Variants in MCM3AP observed in about 807,000 individuals in gnomAD.
MCM3AP encodes minichromosome maintenance complex component 3 associated protein, also known as germinal-center associated nuclear protein.
MCM3AP carries 126 observed loss-of-function variants against 184.1 expected under a neutral mutation model. That is an observed-to-expected ratio of 0.68 (90% CI 0.59 to 0.79). The LOEUF is 0.79. Ranked by LOEUF, MCM3AP falls within the 30% of genes least tolerant of loss-of-function variation. The pLI, the probability that MCM3AP is intolerant of heterozygous loss-of-function variation, is 0.00. For synonymous variants in MCM3AP, 1,002 were observed against 979.3 expected (o/e 1.02, Z -0.43); for missense variants, 2,496 against 2,479.2 (o/e 1.01, Z -0.14).
chr21:46,273,978 T>G (rs1226701356), intron 6 of MCM3AP, among the ~76,000 whole-genome samples: 4 of 152,230 alleles, frequency 2.6e-5, no homozygotes, highest in African/African-American at 9.6e-5. Flanking sequence ...CGGTGAGGAC[T>G]GCTGAGGACA....
Position 46,272,826 on chromosome 21 carries a change from T to C in MCM3AP, c.2200A>G (p.Ile734Val), listed in dbSNP as rs779269396. ...WNRTRGIRKD[I>V]TQQHLCDPLT... ...GGGTCACAGAGGTGCTGCTGCGTGA[T>C]ATCCTGGCCACAGGCGAGGGGGAGG... Residue 734 changes from isoleucine (I) to valine (V), a missense_variant, in exon 8 of 28, where the codon ATC (isoleucine) becomes GTC (valine). Ile to Val is a conservative substitution (Grantham distance 29). Coordinates refer to ENST00000291688, the MANE Select transcript of MCM3AP (RefSeq NM_003906.5). 6 of 1,582,026 alleles carry C rather than the reference T, an allele frequency of 3.8e-6. No homozygotes were observed. Among genetic ancestry groups the C allele is most frequent in the East Asian group, 4.5e-5 (2 of 44,506 alleles).
At chr21:46,270,352 A>C in intron 9 of MCM3AP, 49 bp downstream of exon 9, 1 of 1,558,520 alleles carries the variant, frequency 6.4e-7, no homozygotes, top group South Asian at 1.2e-5. Flanking sequence ...AAACAGCACA[A>C]GAACCACCTG....
At chr21:46,264,796 C>CT (rs1227622532) in intron 12 of MCM3AP, among the ~76,000 whole-genome samples, 2 of 304 alleles carry the variant, frequency 6.6e-3, no homozygotes, top group African/African-American at 0.02. Flanking sequence ...GGCACAGCCA[C>CT]CCCAGCCATG....
At chr21:46,276,646 G>C (rs776822888) in intron 5 of MCM3AP, among the ~76,000 whole-genome samples, 4 of 151,860 alleles carry the variant, frequency 2.6e-5, no homozygotes, top group Non-Finnish European at 5.9e-5. Context: ...TTTCCATGTT[G>C]GTCAGGCTGG....
At chr21:46,271,815 C>A (rs7409792) in intron 8 of MCM3AP, among the ~76,000 whole-genome samples, 62,519 of 151,584 alleles carry the variant, frequency 0.41, 13,348 homozygotes, top group Admixed American at 0.48. Context: ...GAGCCAAGAT[C>A]GCACTACTGT....
chr21:46,264,151 A>G lies in MCM3AP; in HGVS notation c.3301T>C (p.Ser1101Pro). 1.2e-6 allele frequency: 2 copies of G among 1,613,996 alleles called. No homozygotes were observed. Among genetic ancestry groups the G allele is most frequent in the Non-Finnish European group, 1.7e-6 (2 of 1,179,954 alleles). The change falls in exon 13 of 28, where the codon TCT becomes CCT. Residue 1101 changes from serine to proline, a missense_variant. Ser to Pro is a moderately conservative substitution (Grantham distance 74, BLOSUM62 -1). Around this residue, in one of 5 missense-constraint regions of MCM3AP, gnomAD observed 1,323 missense variants for 1,273.4 expected, o/e 1.04. Transcript: ENST00000291688. ...GCAGCTGCGTAGGCAGCACCCGCAG[A>G]GCCAACTTCCTCACAGTCCCTCTGC... The part of the protein sequence containing the change: ...ALQRDCEEVG[S>P]AGAAYAAAAL...
At chr21:46,247,608 C>T (rs903303974) in intron 20 of MCM3AP, 1 of 152,040 alleles carries the variant, frequency 6.6e-6, no homozygotes, top group Non-Finnish European at 1.5e-5. Flanking sequence ...CAGCCTGCCT[C>T]GGCCTCCCAA....
rs548388093 is a variant in MCM3AP, at chr21:46,243,009, A to G, written c.5297-78T>C. 5 of 1,291,848 alleles carry G rather than the reference A, an allele frequency of 3.9e-6. No homozygotes were observed. The East Asian group carries it at 7.1e-5, about 18-fold the overall frequency. 80.0% of individuals were successfully genotyped at this position (1,291,848 alleles called of 1,614,324 possible). A position where few individuals can be genotyped will look rare whatever the true frequency, so the allele number is the denominator to read the frequency against. ...TCAAAAAAAAAAAAAACACACACAA[A>G]AAAACAAAAACAGGTACAAATAATA... On this transcript the variant is annotated intron_variant, in intron 24 of 27. Transcript: ENST00000291688.
At chr21:46,243,377 G>A (rs891496540) in intron 24 of MCM3AP, 88 bp downstream of exon 24, 163 of 1,442,176 alleles carry the variant, frequency 1.1e-4, no homozygotes, top group Non-Finnish European at 1.4e-4. Context: ...AAGAAAAGCA[G>A]CAACATCAAC....
At chr21:46,251,458 T>G in intron 20 of MCM3AP, 71 bp downstream of exon 20, 1 of 1,333,586 alleles carries the variant, frequency 7.5e-7, no homozygotes, top group South Asian at 1.3e-5. Flanking sequence ...ATTTGCATGG[T>G]TCCAGTGATA....
chr21:46,256,323 T>C (rs898623666), intron 17 of MCM3AP, among the ~76,000 whole-genome samples: 3 of 151,120 alleles, frequency 2.0e-5, no homozygotes, highest in Admixed American at 1.3e-4. Context: ...AAGAGGGAAA[T>C]AATGGAGGGT....
At position 46,244,907 on chromosome 21, in the gene MCM3AP, C is replaced by G. The variant is rs1224760156; in HGVS notation, c.4938G>C (p.Leu1646=). 2 of 1,614,216 alleles carry G rather than the reference C, an allele frequency of 1.2e-6. No homozygotes were observed. Among genetic ancestry groups the G allele is most frequent in the Non-Finnish European group, 1.7e-6 (2 of 1,180,048 alleles). ...TEFAEAGGSR[L]LPHLHWNAPE... ...GGGCATTCCAGTGCAGGTGAGGAAG[C>G]AGCCGGCTGCCCCCTGCCTCAGCAA... The change falls in exon 23 of 28, where the codon CTG becomes CTC. Residue 1646 remains leucine (L), a synonymous_variant. Transcript: ENST00000291688.
At chr21:46,275,070 T>C in intron 6 of MCM3AP, 116 bp downstream of exon 6, 1 of 1,189,334 alleles carries the variant, frequency 8.4e-7, no homozygotes. Context: ...ATATGATTGT[T>C]AATAGCACAA....
intron 13 of MCM3AP, among the ~76,000 whole-genome samples, chr21:46,262,987 A>G (rs942805612): frequency 6.7e-6 from 1 of 149,426 alleles, no homozygotes; most frequent in African/African-American, 2.5e-5. Flanking sequence ...AAAAAAAAAA[A>G]AGAAATGGAA....
At chr21:46,244,266 T>C (rs1405114787) in intron 23 of MCM3AP, among the ~76,000 whole-genome samples, 1 of 152,248 alleles carries the variant, frequency 6.6e-6, no homozygotes, top group African/African-American at 2.4e-5. Flanking sequence ...CCCCATGCCA[T>C]ACTGGGCTTG....
chr21:46,242,999 ACAC>A, intron 24 of MCM3AP, 68 bp from the exon 25 acceptor site: 2 of 1,206,458 alleles, frequency 1.7e-6, no homozygotes, highest in Non-Finnish European at 2.3e-6. Flanking sequence ...AAAAAAAAAA[ACAC>A]ACACAAAAAA....
chr21:46,245,307 C>T (rs745311389), intron 22 of MCM3AP, 110 bp from the exon 23 acceptor site: 52 of 960,928 alleles, frequency 5.4e-5, no homozygotes, highest in Non-Finnish European at 7.1e-5. Context: ...TACCAGAGTA[C>T]TGGGCTCTCA....
intron 19 of MCM3AP, chr21:46,253,720 G>C (rs538955222): frequency 3.9e-5 from 6 of 152,442 alleles, no homozygotes; most frequent in African/African-American, 1.4e-4. Flanking sequence ...CTCTCAACAA[G>C]ATCTGGTTAA....
intron 20 of MCM3AP, chr21:46,251,262 C>T (rs1037074323): frequency 3.6e-6 from 1 of 279,984 alleles, no homozygotes; most frequent in Admixed American, 5.0e-5. Context: ...GTTTTGTGTA[C>T]ATATTACATT....
Sources: allele counts gnomAD v4.1 joint callset (sites outside exome capture counted in the v4.1 genomes callset), GRCh38; gene constraint gnomAD v4.1.1; regional missense constraint gnomAD v4.1.1; transcripts MANE v1.5; gene names NCBI Gene and HGNC (gene_info 2026-07-23, HGNC 2026-07-21).